CYB5R4: variants seen among roughly 807,000 people sequenced by gnomAD.
CYB5R4 encodes the protein cytochrome b5 reductase 4.
CYB5R4 carries 55 observed loss-of-function variants against 70.2 expected under a neutral mutation model. The ratio of observed to expected loss-of-function variants is 0.78; its 90% CI spans 0.63 to 0.98. The LOEUF is 0.98. Among genes scored for constraint, CYB5R4 ranks in the 50% least tolerant of loss-of-function variants. The probability of loss-of-function intolerance (pLI) is 0.00; values close to 1 mark genes in which losing one functional copy is unlikely to be tolerated. For synonymous variants in CYB5R4, 197 were observed against 199.5 expected (o/e 0.99, Z 0.11); for missense variants, 562 against 612.6 (o/e 0.92, Z 0.87).
chr6:83,959,699 TA>T (rs1174803480), intron 15 of CYB5R4, 124 bp from the exon 16 acceptor site: 23 of 787,166 alleles, frequency 2.9e-5, no homozygotes, highest in Admixed American at 1.1e-4. Context: ...TTTTTTTATT[TA>T]AAAAAAACTA....
Position 83,921,180 on chromosome 6 carries a change from GTACTT to G in CYB5R4, c.658+8_658+12del, listed in dbSNP as rs1264384839. The G allele has an allele frequency of 6.8e-7, 1 of 1,480,626 alleles. No homozygotes were observed. Among genetic ancestry groups the G allele is most frequent in the Non-Finnish European group, 9.1e-7 (1 of 1,097,580 alleles). 91.7% of individuals were successfully genotyped at this position (1,480,626 alleles called of 1,614,324 possible). ...GTTTATATCTTATACATATTGGTGA[GTACTT>G]TATTATTATTAATGGAAAGAGCTCT... On this transcript the variant is annotated splice_donor_region_variant and intron_variant, in intron 8 of 15. Transcript: ENST00000369681.
At chr6:83,867,296 A>G (rs2099456880) in intron 2 of CYB5R4, among the ~76,000 whole-genome samples, 1 of 152,214 alleles carries the variant, frequency 6.6e-6, no homozygotes, top group African/African-American at 2.4e-5. Flanking sequence ...AGGTACAAAC[A>G]CAGGAAAGTT....
chr6:83,926,016 T>A, intron 10 of CYB5R4, among the ~76,000 whole-genome samples: 1 of 152,358 alleles, frequency 6.6e-6, no homozygotes, highest in East Asian at 1.9e-4. Context: ...TAATGTTTTC[T>A]TCTCACTGTA....
chr6:83,876,115 G>T (rs2099458512), intron 2 of CYB5R4, among the ~76,000 whole-genome samples: 1 of 152,122 alleles, frequency 6.6e-6, no homozygotes, highest in Admixed American at 6.5e-5. Context: ...AAATATACTA[G>T]TTCCTTAATA....
intron 4 of CYB5R4, 80 bp downstream of exon 4, chr6:83,909,170 T>A: frequency 9.2e-7 from 1 of 1,091,182 alleles, no homozygotes; most frequent in South Asian, 1.5e-5. Context: ...AACAACTAGG[T>A]CTATACAAAT....
At chr6:83,949,392 G>A (rs1390018529) in intron 14 of CYB5R4, among the ~76,000 whole-genome samples, 4 of 152,042 alleles carry the variant, frequency 2.6e-5, no homozygotes, top group African/African-American at 4.8e-5. Flanking sequence ...ATTTTAGTTA[G>A]CATTTAAGGA....
At chr6:83,875,477 A>C (rs2099458383) in intron 2 of CYB5R4, among the ~76,000 whole-genome samples, 1 of 152,142 alleles carries the variant, frequency 6.6e-6, no homozygotes, top group Non-Finnish European at 1.5e-5. Flanking sequence ...GGATTTCTGC[A>C]CTGTGGTCCC....
At chr6:83,904,437 T>A (rs2099463454) in intron 3 of CYB5R4, among the ~76,000 whole-genome samples, 1 of 152,176 alleles carries the variant, frequency 6.6e-6, no homozygotes, top group Non-Finnish European at 1.5e-5. Context: ...TTGAGACTTG[T>A]TTTGTAGCCT....
chr6:83,951,248 A>G (rs1404288829), intron 14 of CYB5R4, among the ~76,000 whole-genome samples: 1 of 152,148 alleles, frequency 6.6e-6, no homozygotes, highest in Non-Finnish European at 1.5e-5. Flanking sequence ...CTCTCTAACT[A>G]TTCAGGATAA....
chr6:83,893,006 G>T (rs1193319236), intron 2 of CYB5R4, among the ~76,000 whole-genome samples: 1 of 152,148 alleles, frequency 6.6e-6, no homozygotes, highest in Non-Finnish European at 1.5e-5. Context: ...TTTGCATTGT[G>T]AACAACCTTG....
At chr6:83,870,202 C>T (rs941101207) in intron 2 of CYB5R4, among the ~76,000 whole-genome samples, 3 of 152,154 alleles carry the variant, frequency 2.0e-5, no homozygotes, top group East Asian at 1.9e-4. Context: ...GGTCAGTATT[C>T]GCTAATTCAG....
chr6:83,921,177 T>C lies in CYB5R4; in HGVS notation c.658+2T>C. 1 of 1,488,370 alleles carries C rather than the reference T, an allele frequency of 6.7e-7. No homozygotes were observed. Among genetic ancestry groups the C allele is most frequent in the Non-Finnish European group, 9.1e-7 (1 of 1,101,808 alleles). 92.2% of individuals were successfully genotyped at this position (1,488,370 alleles called of 1,614,324 possible). A position where few individuals can be genotyped will look rare whatever the true frequency, so the allele number is the denominator to read the frequency against. On this transcript the variant is annotated splice_donor_variant, in intron 8 of 15. Coordinates refer to ENST00000369681, the MANE Select transcript of CYB5R4 (RefSeq NM_016230.4). LOFTEE classifies it high-confidence loss of function. ...ATTGTTTATATCTTATACATATTGGTGAGTACTTTATTATTATTAATGGAA... is the reference window on the plus strand; with the variant it reads ...ATTGTTTATATCTTATACATATTGGCGAGTACTTTATTATTATTAATGGAA...
chr6:83,927,501 G>T (rs1443736751), intron 10 of CYB5R4, among the ~76,000 whole-genome samples: 2 of 152,026 alleles, frequency 1.3e-5, no homozygotes, highest in Non-Finnish European at 2.9e-5. Context: ...CCTCCTTCTT[G>T]GGTTCAAAAA....
At chr6:83,869,764 A>G (rs1184123907) in intron 2 of CYB5R4, among the ~76,000 whole-genome samples, 1 of 151,760 alleles carries the variant, frequency 6.6e-6, no homozygotes, top group East Asian at 1.9e-4. Context: ...CAGAGGTTCC[A>G]GTCAGCCGAG....
chr6:83,934,511 G>A (rs886318804), intron 10 of CYB5R4, 84 bp from the exon 11 acceptor site: 12 of 914,324 alleles, frequency 1.3e-5, no homozygotes, highest in Non-Finnish European at 1.9e-5. Flanking sequence ...GAAAACAGAA[G>A]CTGAGTATAT....
intron 14 of CYB5R4, among the ~76,000 whole-genome samples, chr6:83,942,336 T>C (rs1266801624): frequency 6.6e-6 from 1 of 152,124 alleles, no homozygotes; most frequent in Non-Finnish European, 1.5e-5. Flanking sequence ...AGCAGAAGCA[T>C]GGTGGGGTGT....
chr6:83,924,626 A>G (rs1187919883), intron 10 of CYB5R4, 34 bp downstream of exon 10: 2 of 1,598,342 alleles, frequency 1.3e-6, no homozygotes, highest in Admixed American at 1.7e-5. Context: ...TTAATTTCAC[A>G]TTCATGAAAT....
chr6:83,888,706 G>A (rs1309362407), intron 2 of CYB5R4, among the ~76,000 whole-genome samples: 1 of 152,052 alleles, frequency 6.6e-6, no homozygotes, highest in Non-Finnish European at 1.5e-5. Context: ...GCCTCTGAGT[G>A]TTCCAAGTGA....
At chr6:83,894,159 A>C (rs911651980) in intron 3 of CYB5R4, among the ~76,000 whole-genome samples, 2 of 152,204 alleles carry the variant, frequency 1.3e-5, no homozygotes, top group African/African-American at 4.8e-5. Context: ...AGGTTATCTC[A>C]AAAGATATTT....
Sources: allele counts gnomAD v4.1 joint callset (sites outside exome capture counted in the v4.1 genomes callset), GRCh38; gene constraint gnomAD v4.1.1; transcripts MANE v1.5; gene names NCBI Gene and HGNC (gene_info 2026-07-23, HGNC 2026-07-21).